MRPL15: variants seen among roughly 807,000 people sequenced by gnomAD.
The protein encoded by MRPL15 is mitochondrial ribosomal protein L15.
A neutral mutation model predicts 28.0 loss-of-function variants in MRPL15; 24 were observed. The observed-to-expected ratio is 0.86, with a 90% confidence interval of 0.62 to 1.21. The LOEUF (loss-of-function observed/expected upper bound fraction) is 1.21, where lower values mean the gene tolerates loss of function less well. Ranked by LOEUF, MRPL15 falls within the 50% of genes most tolerant of loss-of-function variation. The pLI, the probability that MRPL15 is intolerant of heterozygous loss-of-function variation, is 0.00. For missense variants in MRPL15, 343 were observed against 372.4 expected, an observed-to-expected ratio of 0.92 and a Z score of 0.65; for synonymous variants, 124 against 137.0, an observed-to-expected ratio of 0.90 and a Z score of 0.66.
Position 54,135,250 on chromosome 8 carries a change from A to T in MRPL15, c.-34A>T, listed in dbSNP as rs373295729. On this transcript the variant is annotated 5_prime_UTR_variant, in exon 1 of 5. Coordinates refer to ENST00000260102, the MANE Select transcript of MRPL15 (RefSeq NM_014175.4). ...AGACCACGTGGCCTCCGAGCAGCTCAGGGCGCCCTTGAAAGTTCTTGGATC... is the reference window on the plus strand; with the variant it reads ...AGACCACGTGGCCTCCGAGCAGCTCTGGGCGCCCTTGAAAGTTCTTGGATC... 78 of 1,289,326 alleles carry T rather than the reference A, an allele frequency of 6.0e-5. No individual in the cohort carries two copies. The South Asian group carries it at 1.7e-3, about 28-fold the overall frequency. 79.9% of individuals were successfully genotyped at this position (1,289,326 alleles called of 1,614,324 possible). A position where few individuals can be genotyped will look rare whatever the true frequency, so the allele number is the denominator to read the frequency against.
chr8:54,138,910 CTT>C (rs1204551419), intron 3 of MRPL15, among the ~76,000 whole-genome samples: 1 of 152,140 alleles, frequency 6.6e-6, no homozygotes, highest in African/African-American at 2.4e-5. Flanking sequence ...ACTGCAACCT[CTT>C]GTCTCCTGAG....
chr8:54,142,512 C>A, intron 3 of MRPL15, 151 bp from the exon 4 acceptor site: 2 of 861,484 alleles, frequency 2.3e-6, no homozygotes, highest in Non-Finnish European at 3.5e-6. Flanking sequence ...GGTTGACTCA[C>A]AGATGTGGAA....
intron 3 of MRPL15, among the ~76,000 whole-genome samples, chr8:54,140,021 C>T (rs1239518655): frequency 1.3e-5 from 2 of 152,102 alleles, no homozygotes; most frequent in Non-Finnish European, 2.9e-5. Flanking sequence ...GAAAATGCAT[C>T]TTAGAATTGA....
rs1288064658 is a variant in MRPL15 at position 54,136,659 on chromosome 8, G to C, written c.257G>C (p.Gly86Ala). The C allele has an allele frequency of 4.3e-6, 7 of 1,613,392 alleles. No individual in the cohort carries two copies. The highest frequency in any genetic ancestry group is 5.9e-6 in the Non-Finnish European group (7 of 1,179,604). The change falls in exon 2 of 5, where the codon GGA becomes GCA. Residue 86 changes from glycine to alanine, a missense_variant. By Grantham distance (60) the Gly-to-Ala change is moderately conservative. Coordinates refer to ENST00000260102, the MANE Select transcript of MRPL15 (RefSeq NM_014175.4). ...ATCCCAAAATACGGGTTTAACGAAG[G>C]ACATAGGTAAGGTTGCTTTGCTTTT... Reference protein sequence around the residue: ...IRIPKYGFNEGHSFRRQYKPL... With the variant: ...IRIPKYGFNEAHSFRRQYKPL...
chr8:54,147,473 T>G lies in MRPL15; in HGVS notation c.645T>G (p.Thr215=), dbSNP rs1323724043. 1.9e-6 allele frequency: 3 copies of G among 1,614,070 alleles called. No individual in the cohort carries two copies. The highest frequency in any genetic ancestry group is 2.5e-6 in the Non-Finnish European group (3 of 1,180,048). ...LPPEELVPYY[T]DAKNRGYLAD... ...CAGAAGAACTGGTACCATATTACAC[T>G]GATGCAAAGAACCGTGGGTACCTGG... The change falls in exon 5 of 5, where the codon ACT becomes ACG. Residue 215 remains threonine, a synonymous_variant. Transcript: ENST00000260102.
chr8:54,142,450 C>A (rs138588001), intron 3 of MRPL15, among the ~76,000 whole-genome samples: 154 of 152,330 alleles, frequency 1.0e-3, no homozygotes, highest in African/African-American at 3.4e-3. Flanking sequence ...ACCACTGCGC[C>A]CAGCCTTATT....
chr8:54,143,950 G>A (rs769334305), intron 4 of MRPL15, among the ~76,000 whole-genome samples: 2 of 152,226 alleles, frequency 1.3e-5, no homozygotes, highest in Admixed American at 6.5e-5. Context: ...TTTCTCACCT[G>A]TACTAAATAA....
rs922272808 is a variant in MRPL15, at chr8:54,148,348, G to A, written c.*629G>A. On this transcript the variant is annotated 3_prime_UTR_variant, in exon 5 of 5. Transcript: ENST00000260102. ...TTACAGGCAGGCCTTTGTTCTTAGA[G>A]CTCCCAAGATGGTGGTGGCCACTCC... 5.4e-4 allele frequency among the ~76,000 whole-genome samples: 83 copies of A among 152,314 alleles called. No individual in the cohort carries two copies. Among genetic ancestry groups the A allele is most frequent in the African/African-American group, 2.0e-3 (83 of 41,570 alleles).
rs529076137 is a variant in MRPL15, at chr8:54,142,217, C to T, written c.430-446C>T. On this transcript the variant is annotated intron_variant, in intron 3 of 4. Transcript: ENST00000260102. The stretch of plus-strand genomic sequence containing the variant: ...TAGCCCAGGCTGGAGTGCAATGGCG[C>T]GATCTCAGCTCACTGCAACCTTCCC... 2.0e-3 allele frequency among the ~76,000 whole-genome samples: 300 copies of T among 151,104 alleles called. 1 individual carries two copies. Among genetic ancestry groups the T allele is most frequent in the African/African-American group, 5.9e-3 (241 of 41,120 alleles).
In MRPL15 at chr8:54,147,873, T is replaced by C. The variant is rs1467922917; in HGVS notation, c.*154T>C. 1 of 685,700 alleles carries C rather than the reference T, an allele frequency of 1.5e-6. No individual in the cohort carries two copies. The highest frequency in any genetic ancestry group is 2.3e-6 in the Non-Finnish European group (1 of 428,266). 42.5% of individuals were successfully genotyped at this position (685,700 alleles called of 1,614,324 possible). On this transcript the variant is annotated 3_prime_UTR_variant, in exon 5 of 5. Transcript: ENST00000260102. ...TGTCTCATTTTCATCTAAAATTAAA[T>C]GGCAGGAAACAAGGACTGCATAGAG...
intron 4 of MRPL15, among the ~76,000 whole-genome samples, chr8:54,144,984 T>C (rs1049217875): frequency 6.6e-6 from 1 of 152,156 alleles, no homozygotes; most frequent in Non-Finnish European, 1.5e-5. Flanking sequence ...TACCACAGAA[T>C]GTGGTGGTGG....
rs748659551 is a variant in MRPL15, at chr8:54,147,570, A to G, written c.742A>G (p.Thr248Ala). The change falls in exon 5 of 5, where the codon ACT (threonine) becomes GCT (alanine). Residue 248 changes from threonine to alanine, a missense_variant. Transcript: ENST00000260102. Reference protein sequence around the residue: ...RKYGYILPDITKDELFKMLCT... With the variant: ...RKYGYILPDIAKDELFKMLCT... ...GTATGGTTATATCTTACCTGATATC[A>G]CTAAAGATGAACTCTTCAAAATGCT... 2 of 1,614,214 alleles carry G rather than the reference A, an allele frequency of 1.2e-6. No homozygotes were observed. Among genetic ancestry groups the G allele is most frequent in the Non-Finnish European group, 1.7e-6 (2 of 1,180,042 alleles).
rs77920229 is a variant in MRPL15, at chr8:54,148,107, A to G, written c.*388A>G. On this transcript the variant is annotated 3_prime_UTR_variant, in exon 5 of 5. Coordinates refer to ENST00000260102, the MANE Select transcript of MRPL15 (RefSeq NM_014175.4). The stretch of plus-strand genomic sequence containing the variant: ...CTCTGCCGAGATGAGAGCAGATGGA[A>G]TGAGTTGGTGACCCCTCTTAATCTG... 0.012 allele frequency among the ~76,000 whole-genome samples: 1,818 copies of G among 152,300 alleles called. 7 individuals carry two copies. The highest frequency in any genetic ancestry group is 0.018 in the Non-Finnish European group (1,237 of 67,998).
At chr8:54,145,164 A>T (rs1230409912) in intron 4 of MRPL15, among the ~76,000 whole-genome samples, 1 of 152,206 alleles carries the variant, frequency 6.6e-6, no homozygotes, top group Admixed American at 6.5e-5. Flanking sequence ...CTTATCACTT[A>T]TTAGCAATTT....
rs927629272 is a variant in MRPL15 at position 54,136,473 on chromosome 8, G to A, written c.109-38G>A. The A allele has an allele frequency of 3.8e-6, 6 of 1,583,710 alleles. No individual in the cohort carries two copies. In the African/African-American group the frequency reaches 5.5e-5, roughly 14 times the overall value. ...GAGCTGAAATGCAGTTTTTAGAAAT[G>A]CATCTGAAATTCATAAAATTCTTTT... On this transcript the variant is annotated intron_variant, in intron 1 of 4. Coordinates refer to ENST00000260102, the MANE Select transcript of MRPL15 (RefSeq NM_014175.4).
At chr8:54,143,175 GGT>G (rs1810961991) in intron 4 of MRPL15, among the ~76,000 whole-genome samples, 1 of 152,090 alleles carries the variant, frequency 6.6e-6, no homozygotes, top group Non-Finnish European at 1.5e-5. Context: ...CTGCCTCCCA[GGT>G]TCAAGCGATT....
intron 3 of MRPL15, among the ~76,000 whole-genome samples, chr8:54,139,054 C>T (rs1810875869): frequency 6.6e-6 from 1 of 151,934 alleles, no homozygotes; most frequent in Non-Finnish European, 1.5e-5. Flanking sequence ...GGCTGGAGTG[C>T]AGTGGCACGA....
At chr8:54,144,616 C>G (rs554969333) in intron 4 of MRPL15, among the ~76,000 whole-genome samples, 1 of 151,976 alleles carries the variant, frequency 6.6e-6, no homozygotes, top group Admixed American at 6.6e-5. Flanking sequence ...ACTAAACATA[C>G]AAAAATTAGC....
chr8:54,138,474 C>G (rs968145318), intron 3 of MRPL15, among the ~76,000 whole-genome samples: 1 of 151,464 alleles, frequency 6.6e-6, no homozygotes, highest in South Asian at 2.1e-4. Flanking sequence ...CGTGCCACCA[C>G]GTCTGGCTAA....
Sources: allele counts gnomAD v4.1 joint callset (sites outside exome capture counted in the v4.1 genomes callset), GRCh38; gene constraint gnomAD v4.1.1; transcripts MANE v1.5; gene names NCBI Gene and HGNC (gene_info 2026-07-23, HGNC 2026-07-21).